Variants in ATXN2L observed in about 807,000 individuals in gnomAD.
ATXN2L encodes the protein ataxin 2 like, also known as ataxin-2-like protein.
Under a neutral mutation model 120.7 loss-of-function variants are expected in ATXN2L, and 24 were observed. That is an observed-to-expected ratio of 0.20 (90% CI 0.14 to 0.28). ATXN2L has a LOEUF of 0.28. Ranked by LOEUF, ATXN2L falls within the 10% of genes least tolerant of loss-of-function variation. ATXN2L has a pLI of 1.00. For missense variants in ATXN2L, 1,312 were observed against 1,432.3 expected, an observed-to-expected ratio of 0.92 and a Z score of 1.36; for synonymous variants, 653 against 568.1, an observed-to-expected ratio of 1.15 and a Z score of -2.13.
intron 1 of ATXN2L, 129 bp from the exon 2 acceptor site, chr16:28,825,237 A>G: frequency 1.1e-6 from 1 of 908,324 alleles, no homozygotes. Context: ...GAAAAATCTT[A>G]CTGATTAACA....
At chr16:28,832,089 A>C in intron 10 of ATXN2L, 116 bp from the exon 11 acceptor site, 1 of 1,116,850 alleles carries the variant, frequency 9.0e-7, no homozygotes, top group Non-Finnish European at 1.3e-6. Context: ...CTAGACATTT[A>C]AGTTGGTGAC....
chr16:28,835,025 C>T lies in ATXN2L; in HGVS notation c.2434-33C>T, dbSNP rs756641359. 4.4e-6 allele frequency: 7 copies of T among 1,592,420 alleles called. No individual in the cohort carries two copies. The Admixed American group carries it at 8.6e-5, about 19-fold the overall frequency. ...AGGAGGACACCTTCCCAGCTGGCGG[C>T]TGTGCCAACCACTCCTCTCTCTGTC... On this transcript the variant is annotated intron_variant, in intron 18 of 21. Coordinates refer to ENST00000336783, the MANE Select transcript of ATXN2L (RefSeq NM_007245.4).
At chr16:28,825,919 T>C (rs982159478) in intron 4 of ATXN2L, 78 bp downstream of exon 4, 3 of 1,342,270 alleles carry the variant, frequency 2.2e-6, no homozygotes, top group African/African-American at 1.4e-5. Context: ...AAGGTGTCAA[T>C]TGGGTGATGT....
At chr16:28,823,645 C>T in intron 1 of ATXN2L, 87 bp downstream of exon 1, 4 of 1,205,562 alleles carry the variant, frequency 3.3e-6, no homozygotes, top group Non-Finnish European at 4.2e-6. Context: ...GACCCGGCAC[C>T]GTCAGGGGCA....
Position 28,829,392 on chromosome 16 carries a change from C to T in ATXN2L, c.742-9C>T. 6.2e-7 allele frequency: 1 copy of T among 1,602,220 alleles called. No individual in the cohort carries two copies. The highest frequency in any genetic ancestry group is 8.6e-7 in the Non-Finnish European group (1 of 1,169,310). On this transcript the variant is annotated splice_polypyrimidine_tract_variant and intron_variant, in intron 6 of 21. Transcript: ENST00000336783. ...GCTGGGTTTTAAAACCACCTTCCTC[C>T]CTCCCCAGTCCAATGGATGGGACCC...
intron 15 of ATXN2L, 118 bp downstream of exon 15, chr16:28,833,626 TGAG>T (rs2055354861): frequency 4.7e-6 from 5 of 1,066,712 alleles, no homozygotes; most frequent in East Asian, 2.5e-5. Context: ...GCAGGCAGTG[TGAG>T]GAGATGTCAT....
rs1260650497 is a variant in ATXN2L at position 28,832,198 on chromosome 16, C to A, written c.1322-7C>A. The A allele has an allele frequency of 6.2e-7, 1 of 1,613,938 alleles. No homozygotes were observed. The highest frequency in any genetic ancestry group is 8.5e-7 in the Non-Finnish European group (1 of 1,179,956). On this transcript the variant is annotated splice_region_variant and splice_polypyrimidine_tract_variant and intron_variant, in intron 10 of 21. Transcript: ENST00000336783. ...TAACCATCCTACAGCTCCCCCTTTT[C>A]TTCCAGTGGGCCGGATGTATCCCCC...
At chr16:28,825,878 A>G (rs758028471) in intron 4 of ATXN2L, 37 bp downstream of exon 4, 2 of 1,566,174 alleles carry the variant, frequency 1.3e-6, no homozygotes, top group Non-Finnish European at 1.8e-6. Flanking sequence ...TTGGAGTTGC[A>G]GAGTAGGAGG....
At chr16:28,833,882 C>T in intron 15 of ATXN2L, 183 bp from the exon 16 acceptor site, 1 of 762,340 alleles carries the variant, frequency 1.3e-6, no homozygotes. Context: ...CTTACATTCT[C>T]TGCCTCACCT....
Position 28,829,351 on chromosome 16 carries a change from TGTC to T in ATXN2L, c.742-47_742-45del, listed in dbSNP as rs751496855. 70 of 1,284,616 alleles carry T rather than the reference TGTC, an allele frequency of 5.4e-5. 1 individual carries two copies. Among genetic ancestry groups the T allele is most frequent in the South Asian group, 3.8e-4 (32 of 84,324 alleles). 79.6% of individuals were successfully genotyped at this position (1,284,616 alleles called of 1,614,324 possible). A position where few individuals can be genotyped will look rare whatever the true frequency, so the allele number is the denominator to read the frequency against. On this transcript the variant is annotated intron_variant, in intron 6 of 21. Coordinates refer to ENST00000336783, the MANE Select transcript of ATXN2L (RefSeq NM_007245.4). ...TTAACCTGATGGAAGGGAAGTGACT[TGTC>T]GTTGCTTTTCCTGCTGGGTTTTAAA...
In ATXN2L at chr16:28,833,166, A is replaced by G; in HGVS notation, c.1767A>G (p.Ser589=). 6.2e-7 allele frequency: 1 copy of G among 1,614,214 alleles called. No individual in the cohort carries two copies. The highest frequency in any genetic ancestry group is 1.1e-5 in the South Asian group (1 of 91,088). The part of the protein sequence containing the change: ...KEKEVDGLLT[S]EPMGSPVSSK... ...AAGAGGTTGATGGTCTGTTGACTTC[A>G]GAGCCCATGGGGTCTCCCGTCTCCT... Residue 589 remains serine (S), a synonymous_variant, in exon 14 of 22, where the codon TCA becomes TCG. Coordinates refer to ENST00000336783, the MANE Select transcript of ATXN2L (RefSeq NM_007245.4).
At chr16:28,823,701 A>G in intron 1 of ATXN2L, 143 bp downstream of exon 1, 2 of 842,996 alleles carry the variant, frequency 2.4e-6, no homozygotes, top group Non-Finnish European at 3.2e-6. Context: ...GGGCCCCCTC[A>G]GGTCCGAACA....
At chr16:28,830,364 A>G (rs549727318) in intron 8 of ATXN2L, among the ~76,000 whole-genome samples, 19 of 152,246 alleles carry the variant, frequency 1.2e-4, no homozygotes, top group African/African-American at 4.3e-4. Flanking sequence ...TACTTTTGTC[A>G]TAGGTCAGGA....
intron 6 of ATXN2L, 142 bp downstream of exon 6, chr16:28,827,128 A>C (rs1251566968): frequency 1.0e-6 from 1 of 964,410 alleles, no homozygotes; most frequent in Admixed American, 4.0e-5. Context: ...TATAGAAAAT[A>C]GCAAAGTAAA....
chr16:28,826,514 C>A, intron 5 of ATXN2L, 124 bp downstream of exon 5: 1 of 1,140,508 alleles, frequency 8.8e-7, no homozygotes, highest in Non-Finnish European at 1.2e-6. Context: ...GTTTGTTTTG[C>A]TTTAATGCCT....
At position 28,830,661 on chromosome 16, in the gene ATXN2L, C is replaced by G; in HGVS notation, c.1081C>G (p.Arg361Gly). The change falls in exon 9 of 22, where the codon CGG (arginine) becomes GGG (glycine). Residue 361 changes from arginine to glycine, a missense_variant. Coordinates refer to ENST00000336783, the MANE Select transcript of ATXN2L (RefSeq NM_007245.4). ...GCCTCAACGAGTCCGGGAAGGTCCC[C>G]GGGGAGGAGTTCGATGCAGCAGCTC... The part of the protein sequence containing the change: ...PLPQRVREGP[R>G]GGVRCSSSRG... The G allele has an allele frequency of 1.2e-6, 2 of 1,612,130 alleles. No individual in the cohort carries two copies. Among genetic ancestry groups the G allele is most frequent in the South Asian group, 1.1e-5 (1 of 90,838 alleles).
chr16:28,827,598 G>A (rs374442239), intron 6 of ATXN2L, among the ~76,000 whole-genome samples: 3 of 151,836 alleles, frequency 2.0e-5, no homozygotes, highest in Non-Finnish European at 4.4e-5. Context: ...GAGGCTGAGC[G>A]CAGTGGCTCA....
In ATXN2L at chr16:28,831,079, CTT is replaced by C; in HGVS notation, c.1321+9_1321+10del. 1 of 1,566,524 alleles carries C rather than the reference CTT, an allele frequency of 6.4e-7. No individual in the cohort carries two copies. The highest frequency in any genetic ancestry group is 8.7e-7 in the Non-Finnish European group (1 of 1,145,478). The stretch of plus-strand genomic sequence containing the variant: ...GTTCCACCTCCTCCTGCAGGTAAAG[CTT>C]TAGTAGTGTTGGATGAAGAAATGGA... On this transcript the variant is annotated splice_region_variant and intron_variant, in intron 10 of 21. Coordinates refer to ENST00000336783, the MANE Select transcript of ATXN2L (RefSeq NM_007245.4).
At position 28,826,966 on chromosome 16, in the gene ATXN2L, T is replaced by G; in HGVS notation, c.721T>G (p.Tyr241Asp). The change falls in exon 6 of 22, where the codon TAT becomes GAT. Residue 241 changes from tyrosine (Y) to aspartate (D), a missense_variant. Coordinates refer to ENST00000336783, the MANE Select transcript of ATXN2L (RefSeq NM_007245.4). Reference protein sequence around the residue: ...WEGGDSNSDDYDLESDMSNGW... With the variant: ...WEGGDSNSDDDDLESDMSNGW... The stretch of plus-strand genomic sequence containing the variant: ...GGGGGGTGACAGCAACAGCGACGAC[T>G]ATGACCTCGAGTCTGACATGGTATA... The G allele has an allele frequency of 6.4e-7, 1 of 1,568,072 alleles. No individual in the cohort carries two copies. Among genetic ancestry groups the G allele is most frequent in the Non-Finnish European group, 8.7e-7 (1 of 1,152,094 alleles).
Sources: gnomAD v4.1 joint callset for allele counts (sites outside exome capture counted in the v4.1 genomes callset) on GRCh38, gnomAD v4.1.1 for gene constraint, MANE v1.5 for transcripts, NCBI Gene and HGNC (gene_info 2026-07-23, HGNC 2026-07-21) for gene names.